The following ZNF148 variants were observed in gnomAD, a reference collection of about 807,000 sequenced individuals.
The protein encoded by ZNF148 is Beta-Enolase Repressor Factor-1.
A neutral mutation model predicts 67.7 loss-of-function variants in ZNF148; 7 were observed. That is an observed-to-expected ratio of 0.10 (90% CI 0.06 to 0.19). The LOEUF is 0.19. Among genes scored for constraint, ZNF148 ranks in the 10% least tolerant of loss-of-function variants. ZNF148 has a pLI of 1.00. For missense variants in ZNF148, 583 were observed against 947.1 expected (o/e 0.62, Z 5.05); for synonymous variants, 333 against 330.7 (o/e 1.01, Z -0.08).
At chr3:125,369,384 C>CAAA (rs759752715) in intron 1 of ZNF148, among the ~76,000 whole-genome samples, 3,795 of 47,456 alleles carry the variant, frequency 0.08, 782 homozygotes, top group African/African-American at 0.11. Flanking sequence ...ACTGCAACCT[C>CAAA]AAAAAAAAAA....
intron 4 of ZNF148, among the ~76,000 whole-genome samples, chr3:125,302,749 G>A (rs535330607): frequency 3.9e-5 from 6 of 152,244 alleles, no homozygotes; most frequent in Non-Finnish European, 8.8e-5. Flanking sequence ...TAAGTGAAAA[G>A]ACTACATAAA....
intron 2 of ZNF148, among the ~76,000 whole-genome samples, chr3:125,326,695 T>C (rs1471660777): frequency 6.8e-6 from 1 of 147,952 alleles, no homozygotes; most frequent in Non-Finnish European, 1.5e-5. Flanking sequence ...ACTTGCTTTA[T>C]ATATGTATAT....
At chr3:125,339,492 A>C (rs999767705) in intron 1 of ZNF148, among the ~76,000 whole-genome samples, 1 of 152,228 alleles carries the variant, frequency 6.6e-6, no homozygotes, top group African/African-American at 2.4e-5. Context: ...AATTCTGTTT[A>C]TGTGTAGACG....
At chr3:125,306,950 T>G (rs1939909816) in intron 4 of ZNF148, among the ~76,000 whole-genome samples, 1 of 150,764 alleles carries the variant, frequency 6.6e-6, no homozygotes, top group Non-Finnish European at 1.5e-5. Flanking sequence ...ATATGTATGA[T>G]AAAAATATCA....
chr3:125,346,257 T>C (rs1941937523), intron 1 of ZNF148, among the ~76,000 whole-genome samples: 1 of 152,160 alleles, frequency 6.6e-6, no homozygotes, highest in Non-Finnish European at 1.5e-5. Context: ...AAGAAAAACA[T>C]TTGATGAAAT....
At chr3:125,355,941 G>A (rs1348703696) in intron 1 of ZNF148, among the ~76,000 whole-genome samples, 1 of 152,106 alleles carries the variant, frequency 6.6e-6, no homozygotes, top group Non-Finnish European at 1.5e-5. Context: ...AGAGATTAAT[G>A]ACATTAACTT....
In ZNF148 at chr3:125,225,681, C is replaced by T. The variant is rs1190704473; in HGVS notation, c.*6660G>A. On this transcript the variant is annotated 3_prime_UTR_variant, in exon 9 of 9. Coordinates refer to ENST00000360647, the MANE Select transcript of ZNF148 (RefSeq NM_021964.3). The stretch of plus-strand genomic sequence containing the variant: ...GACAACACATTAATTCAAGTGACTT[C>T]AATTTTTTATTTTTTCTTATAATCT... 1.3e-5 allele frequency: 2 copies of T among 152,110 alleles called. No homozygotes were observed. The highest frequency in any genetic ancestry group is 2.9e-5 in the Non-Finnish European group (2 of 68,030). The allele number at this position is 152,110 out of a possible 1,614,324, so 9.4% of individuals were successfully genotyped here.
chr3:125,288,365 C>G, intron 4 of ZNF148, 137 bp from the exon 5 acceptor site: 1 of 853,566 alleles, frequency 1.2e-6, no homozygotes, highest in Non-Finnish European at 1.8e-6. Flanking sequence ...TGTGTCCTAA[C>G]TATATACAGT....
intron 7 of ZNF148, among the ~76,000 whole-genome samples, chr3:125,272,610 A>G (rs1263233318): frequency 1.5e-5 from 2 of 132,572 alleles, no homozygotes; most frequent in African/African-American, 3.0e-5. Flanking sequence ...ATTTTTATAT[A>G]TATCAGGTTT....
intron 1 of ZNF148, among the ~76,000 whole-genome samples, chr3:125,335,633 T>G (rs1019457215): frequency 6.6e-6 from 1 of 152,222 alleles, no homozygotes; most frequent in African/African-American, 2.4e-5. Flanking sequence ...ATTCTGTGTT[T>G]AAAAATAATG....
chr3:125,316,163 T>C (rs1225077974), intron 3 of ZNF148, among the ~76,000 whole-genome samples: 1 of 152,222 alleles, frequency 6.6e-6, no homozygotes, highest in Non-Finnish European at 1.5e-5. Flanking sequence ...CCCGTGTTGT[T>C]GCAAATGACT....
intron 2 of ZNF148, among the ~76,000 whole-genome samples, chr3:125,330,387 G>A (rs1210325034): frequency 6.7e-6 from 1 of 148,548 alleles, no homozygotes; most frequent in African/African-American, 2.5e-5. Context: ...GATCACTTGA[G>A]CCCCGCAGGT....
At chr3:125,351,166 C>T (rs948043854) in intron 1 of ZNF148, among the ~76,000 whole-genome samples, 9 of 152,064 alleles carry the variant, frequency 5.9e-5, no homozygotes, top group African/African-American at 1.9e-4. Context: ...GTGATTGCAC[C>T]ACTGCACTCC....
chr3:125,352,731 G>C (rs1166020040), intron 1 of ZNF148, among the ~76,000 whole-genome samples: 1 of 150,284 alleles, frequency 6.7e-6, no homozygotes, highest in Non-Finnish European at 1.5e-5. Context: ...CAAACTCCCA[G>C]CAAGATTTTT....
At chr3:125,337,856 C>T (rs1941559362) in intron 1 of ZNF148, among the ~76,000 whole-genome samples, 1 of 152,026 alleles carries the variant, frequency 6.6e-6, no homozygotes, top group Non-Finnish European at 1.5e-5. Context: ...AATCCCAACA[C>T]TTTGGGAGGC....
chr3:125,272,393 G>GAAAT (rs1249734841), intron 7 of ZNF148, among the ~76,000 whole-genome samples: 5 of 152,150 alleles, frequency 3.3e-5, no homozygotes, highest in African/African-American at 1.2e-4. Flanking sequence ...TAGCTGCTAT[G>GAAAT]AACTAACAAA....
At position 125,233,698 on chromosome 3, in the gene ZNF148, T is replaced by C; in HGVS notation, c.1028A>G (p.Asn343Ser). The C allele has an allele frequency of 6.2e-7, 1 of 1,613,886 alleles. No individual in the cohort carries two copies. Among genetic ancestry groups the C allele is most frequent in the East Asian group, 2.2e-5 (1 of 44,870 alleles). Reference protein sequence around the residue: ...LDKSDLKKDKNDYLPLYSSST... With the variant: ...LDKSDLKKDKSDYLPLYSSST... ...TGAAGAATAAAGAGGCAAGTAATCATTTTTGTCTTTTTTCAGGTCAGATTT... is the reference window on the plus strand; with the variant it reads ...TGAAGAATAAAGAGGCAAGTAATCACTTTTGTCTTTTTTCAGGTCAGATTT... The change falls in exon 9 of 9, where the codon AAT (asparagine) becomes AGT (serine). Residue 343 changes from asparagine to serine, a missense_variant. Asn to Ser is a conservative substitution (Grantham distance 46). Coordinates refer to ENST00000360647, the MANE Select transcript of ZNF148 (RefSeq NM_021964.3). This position sits in a 1 kb window ranked among gnomAD's most constrained non-coding sequence, Gnocchi z 5.1.
intron 1 of ZNF148, chr3:125,338,856 G>A (rs1559767257): frequency 6.6e-6 from 1 of 152,024 alleles, no homozygotes; most frequent in African/African-American, 2.4e-5. Flanking sequence ...GATCTACTCT[G>A]TCTAGAATAC....
chr3:125,279,995 TAA>T (rs1169182575), intron 5 of ZNF148, among the ~76,000 whole-genome samples: 1 of 146,400 alleles, frequency 6.8e-6, no homozygotes, highest in Non-Finnish European at 1.5e-5. Context: ...TACCTATTAC[TAA>T]AAAAAAAAGA....
Sources: gnomAD v4.1 joint callset for allele counts (sites outside exome capture counted in the v4.1 genomes callset) on GRCh38, gnomAD v4.1.1 for gene constraint, Gnocchi (gnomAD v3.1) non-coding constraint, MANE v1.5 for transcripts, NCBI Gene and HGNC (gene_info 2026-07-23, HGNC 2026-07-21) for gene names.